CD59: variants seen among roughly 807,000 people sequenced by gnomAD.
CD59 encodes CD59 glycoprotein.
Under a neutral mutation model 7.0 loss-of-function variants are expected in CD59, and 3 were observed. The ratio of observed to expected loss-of-function variants is 0.43; its 90% CI spans 0.19 to 1.10. The LOEUF is 1.10. Ranked by LOEUF, CD59 falls within the 50% of genes least tolerant of loss-of-function variation. CD59 has a pLI of 0.29. For synonymous variants in CD59, 60 were observed against 62.0 expected, an observed-to-expected ratio of 0.97 and a Z score of 0.15; for missense variants, 143 against 151.0, an observed-to-expected ratio of 0.95 and a Z score of 0.28.
intron 3 of CD59, among the ~76,000 whole-genome samples, chr11:33,715,924 C>T (rs1329660807): frequency 6.6e-6 from 1 of 152,132 alleles, no homozygotes; most frequent in Admixed American, 6.5e-5. Context: ...TAGTAATTGC[C>T]CTTATCGTCT....
At chr11:33,720,173 G>A (rs143297200) in intron 2 of CD59, among the ~76,000 whole-genome samples, 3 of 152,348 alleles carry the variant, frequency 2.0e-5, no homozygotes, top group South Asian at 2.1e-4. Context: ...GCTCTTCATA[G>A]GATTGTTAAG....
At chr11:33,726,291 C>T (rs187117457) in intron 1 of CD59, among the ~76,000 whole-genome samples, 1 of 152,258 alleles carries the variant, frequency 6.6e-6, no homozygotes, top group East Asian at 1.9e-4. Flanking sequence ...TAAAACACTC[C>T]TCAGCAAATG....
chr11:33,734,911 C>G (rs1272414293), intron 1 of CD59, among the ~76,000 whole-genome samples: 3 of 152,230 alleles, frequency 2.0e-5, no homozygotes, highest in Non-Finnish European at 4.4e-5. Context: ...GCACCCCACT[C>G]TCTCACCCTA....
intron 1 of CD59, among the ~76,000 whole-genome samples, chr11:33,724,635 G>A (rs1199148460): frequency 6.6e-6 from 1 of 152,128 alleles, no homozygotes. Flanking sequence ...GTGAACGGTG[G>A]GAAGGCAGAC....
At chr11:33,732,678 C>T (rs1239437602) in intron 1 of CD59, among the ~76,000 whole-genome samples, 2 of 152,158 alleles carry the variant, frequency 1.3e-5, no homozygotes, top group South Asian at 2.1e-4. Flanking sequence ...TTAATCCTCA[C>T]AATAATACCA....
intron 1 of CD59, among the ~76,000 whole-genome samples, chr11:33,734,814 G>T (rs1392907728): frequency 6.6e-6 from 1 of 152,206 alleles, no homozygotes; most frequent in Non-Finnish European, 1.5e-5. Context: ...CGGTTTGGCT[G>T]AGGTTCTTAA....
At position 33,722,479 on chromosome 11, in the gene CD59, A is replaced by T. The variant is rs757651132; in HGVS notation, c.-18-16T>A. ...TCCACAGAACCTGGAAGGAAGGGAC[A>T]GGAAGGAATGTCAGGAACGAACAAA... is the stretch of plus-strand genomic sequence containing the variant. On this transcript the variant is annotated splice_polypyrimidine_tract_variant and intron_variant, in intron 1 of 3. Coordinates refer to ENST00000642928, the MANE Select transcript of CD59 (RefSeq NM_000611.6). 45 of 1,613,100 alleles carry T rather than the reference A, an allele frequency of 2.8e-5. No homozygotes were observed. The highest frequency in any genetic ancestry group is 6.7e-5 in the Admixed American group (4 of 59,954).
intron 3 of CD59, among the ~76,000 whole-genome samples, chr11:33,714,568 A>C (rs986095657): frequency 2.0e-5 from 3 of 152,070 alleles, no homozygotes; most frequent in African/African-American, 4.8e-5. Flanking sequence ...AATCAACCCT[A>C]GTTTACTGCC....
chr11:33,733,935 T>C (rs555919148), intron 1 of CD59, among the ~76,000 whole-genome samples: 7 of 152,308 alleles, frequency 4.6e-5, no homozygotes, highest in South Asian at 2.1e-4. Context: ...TAAAACCCAA[T>C]GTTTTTATTT....
chr11:33,732,176 C>T (rs983439128), intron 1 of CD59, among the ~76,000 whole-genome samples: 17 of 148,182 alleles, frequency 1.1e-4, no homozygotes, highest in Non-Finnish European at 1.9e-4. Context: ...ACCCAGTCTT[C>T]GGTATGTCTT....
chr11:33,713,111 AAAATAAAGGCCAG>A (rs1277408369), intron 3 of CD59, among the ~76,000 whole-genome samples: 25 of 152,330 alleles, frequency 1.6e-4, no homozygotes, highest in African/African-American at 5.5e-4. Flanking sequence ...GGCACACAGG[AAAATAAAGGCCAG>A]AAGTATATAC....
intron 2 of CD59, among the ~76,000 whole-genome samples, chr11:33,720,147 T>C (rs1024007463): frequency 1.3e-5 from 2 of 152,242 alleles, no homozygotes; most frequent in African/African-American, 4.8e-5. Context: ...CAAATATATG[T>C]GCATCTATGT....
intron 1 of CD59, among the ~76,000 whole-genome samples, chr11:33,729,382 C>T (rs1240796057): frequency 6.6e-6 from 1 of 152,028 alleles, no homozygotes; most frequent in African/African-American, 2.4e-5. Context: ...ATGGATGAAA[C>T]TGGAAACCAT....
chr11:33,727,640 C>T lies in CD59; in HGVS notation c.-18-5177G>A, dbSNP rs1194696416. ...GACAAGGATGCCCTCTCTCACCATT[C>T]CTATTCAACACAGTATTGGAAGTTC... On this transcript the variant is annotated intron_variant, in intron 1 of 3. Coordinates refer to ENST00000642928, the MANE Select transcript of CD59 (RefSeq NM_000611.6). 2.0e-5 allele frequency among the ~76,000 whole-genome samples: 3 copies of T among 152,206 alleles called. No homozygotes were observed. In the East Asian group the frequency reaches 5.8e-4, roughly 29 times the overall value.
At chr11:33,724,986 G>A (rs1192170831) in intron 1 of CD59, among the ~76,000 whole-genome samples, 3 of 152,064 alleles carry the variant, frequency 2.0e-5, no homozygotes, top group African/African-American at 4.8e-5. Context: ...TATGGGGGGC[G>A]GAGGAGGGCG....
At chr11:33,720,708 G>A (rs1335820869) in intron 2 of CD59, among the ~76,000 whole-genome samples, 2 of 151,988 alleles carry the variant, frequency 1.3e-5, no homozygotes, top group African/African-American at 4.8e-5. Context: ...CAGCCTGGGC[G>A]ACAGAGTGAG....
At chr11:33,720,101 C>A (rs1034800453) in intron 2 of CD59, among the ~76,000 whole-genome samples, 5 of 152,108 alleles carry the variant, frequency 3.3e-5, no homozygotes, top group Non-Finnish European at 7.4e-5. Context: ...CGTCTGTGGG[C>A]AAAAATATTC....
chr11:33,712,829 T>G (rs1853620618), intron 3 of CD59, among the ~76,000 whole-genome samples: 1 of 152,246 alleles, frequency 6.6e-6, no homozygotes, highest in Non-Finnish European at 1.5e-5. Flanking sequence ...GTATAGAATG[T>G]GACCCATTTG....
At chr11:33,722,924 C>T (rs1034504125) in intron 1 of CD59, 2 of 1,083,042 alleles carry the variant, frequency 1.8e-6, no homozygotes, top group African/African-American at 3.3e-5. Flanking sequence ...TACCTGGAAG[C>T]TCTGGCTCCT....
Sources: allele counts gnomAD v4.1 joint callset (sites outside exome capture counted in the v4.1 genomes callset), GRCh38; gene constraint gnomAD v4.1.1; transcripts MANE v1.5; gene names NCBI Gene and HGNC (gene_info 2026-07-23, HGNC 2026-07-21).